DKK3: variants seen among roughly 807,000 people sequenced by gnomAD.
DKK3 encodes the protein dickkopf Wnt signaling pathway inhibitor 3.
In DKK3, 22 loss-of-function variants were observed where a neutral mutation model predicts 33.2. The ratio of observed to expected loss-of-function variants is 0.66; its 90% CI spans 0.47 to 0.95. DKK3 has a LOEUF of 0.95. DKK3 is among the 40% of genes least tolerant of loss of function. DKK3 has a pLI of 0.00. For missense variants in DKK3, 398 were observed against 458.4 expected, an observed-to-expected ratio of 0.87 and a Z score of 1.20; for synonymous variants, 194 against 188.8, an observed-to-expected ratio of 1.03 and a Z score of -0.23.
intron 1 of DKK3, among the ~76,000 whole-genome samples, chr11:12,004,915 C>A (rs1590560198): frequency 6.6e-6 from 1 of 152,002 alleles, no homozygotes; most frequent in East Asian, 1.9e-4. Context: ...GAAGAGCTTG[C>A]CAACAAAGGG....
intron 3 of DKK3, among the ~76,000 whole-genome samples, chr11:11,989,338 A>G (rs1166708323): frequency 6.6e-6 from 1 of 152,224 alleles, no homozygotes; most frequent in East Asian, 1.9e-4. Flanking sequence ...ATGAATGGAG[A>G]AACAAAACAT....
rs955019708 is a variant in DKK3, at chr11:12,008,224, C to G, written c.213+146G>C. 10 of 1,092,926 alleles carry G rather than the reference C, an allele frequency of 9.1e-6. No homozygotes were observed. In the African/African-American group the frequency reaches 1.5e-4, roughly 16 times the overall value. 67.7% of individuals were successfully genotyped at this position (1,092,926 alleles called of 1,614,324 possible). A position where few individuals can be genotyped will look rare whatever the true frequency, so the allele number is the denominator to read the frequency against. The stretch of plus-strand genomic sequence containing the variant: ...GAGTAGGGATCACCGTGCGCTGCCT[C>G]CAGGTCACTCCGCATCTGCTGTCGG... On this transcript the variant is annotated intron_variant, in intron 1 of 6. Coordinates refer to ENST00000683431, the MANE Select transcript of DKK3 (RefSeq NM_001018057.2). The surrounding 1 kb of genome is among the most constrained non-coding windows in gnomAD (Gnocchi z 4.6).
intron 3 of DKK3, among the ~76,000 whole-genome samples, chr11:11,976,448 G>A (rs1203056064): frequency 6.6e-6 from 1 of 152,258 alleles, no homozygotes; most frequent in Non-Finnish European, 1.5e-5. Context: ...GTAAGCAAGA[G>A]AAGCCCCATT....
intron 4 of DKK3, 124 bp from the exon 5 acceptor site, chr11:11,967,222 A>C: frequency 2.4e-6 from 3 of 1,235,258 alleles, no homozygotes; most frequent in Non-Finnish European, 3.4e-6. Flanking sequence ...CAGGCAGACC[A>C]GGCTGAGATT....
chr11:11,969,429 T>C (rs1234862689), intron 3 of DKK3, among the ~76,000 whole-genome samples: 1 of 152,184 alleles, frequency 6.6e-6, no homozygotes, highest in African/African-American at 2.4e-5. Context: ...AGGTAGGGAC[T>C]GCCTTCTCTA....
At chr11:11,966,400 G>A (rs898834183) in intron 5 of DKK3, among the ~76,000 whole-genome samples, 3 of 152,216 alleles carry the variant, frequency 2.0e-5, no homozygotes. Flanking sequence ...ACAGCCTAAG[G>A]AGTCTGAACA....
At chr11:11,991,689 G>A (rs763728973) in intron 3 of DKK3, among the ~76,000 whole-genome samples, 12 of 152,058 alleles carry the variant, frequency 7.9e-5, no homozygotes, top group Non-Finnish European at 1.0e-4. Flanking sequence ...AGGGCTTTCC[G>A]AAGCCGTCAC....
chr11:12,006,926 G>A (rs545437724), intron 1 of DKK3, among the ~76,000 whole-genome samples: 2 of 152,264 alleles, frequency 1.3e-5, no homozygotes, highest in East Asian at 1.9e-4. Context: ...CAGAGGCATC[G>A]CAAACTCCAC....
chr11:11,992,097 A>C (rs969758696), intron 3 of DKK3, among the ~76,000 whole-genome samples: 13 of 152,246 alleles, frequency 8.5e-5, no homozygotes, highest in African/African-American at 3.1e-4. Flanking sequence ...GAATGAATTA[A>C]TACTGATAAT....
At chr11:12,008,809 C>A, upstream of DKK3, 1 of 1,182,140 alleles carries the variant, frequency 8.5e-7, no homozygotes, top group Non-Finnish European at 1.0e-6. This position sits in a 1 kb window ranked among gnomAD's most constrained non-coding sequence, Gnocchi z 4.6. Flanking sequence ...CAGCCCGAGC[C>A]CCGATCGCCC....
intron 3 of DKK3, among the ~76,000 whole-genome samples, chr11:11,988,314 A>G (rs896211405): frequency 1.6e-4 from 25 of 152,190 alleles, no homozygotes; most frequent in African/African-American, 6.0e-4. Context: ...CCAAGAGTAG[A>G]GGTTTCCTGC....
intron 1 of DKK3, among the ~76,000 whole-genome samples, chr11:12,003,413 T>C (rs1848471847): frequency 2.6e-5 from 4 of 152,214 alleles, no homozygotes; most frequent in African/African-American, 9.6e-5. Context: ...TGTTCTTCTC[T>C]GGTGTCAGGT....
At chr11:11,965,631 C>A (rs983779913) in intron 6 of DKK3, among the ~76,000 whole-genome samples, 178 bp downstream of exon 6, 4 of 151,688 alleles carry the variant, frequency 2.6e-5, no homozygotes, top group Admixed American at 1.3e-4. Context: ...GGGCTCCAGA[C>A]CCCTAGAACC....
In DKK3 at chr11:11,964,795, C is replaced by G. The variant is rs185983490; in HGVS notation, c.831-109G>C. 12 of 1,518,920 alleles carry G rather than the reference C, an allele frequency of 7.9e-6. No homozygotes were observed. The African/African-American group carries it at 9.7e-5, about 12-fold the overall frequency. The allele number at this position is 1,518,920 out of a possible 1,614,324, so 94.1% of individuals were successfully genotyped here. On this transcript the variant is annotated intron_variant, in intron 6 of 6. Transcript: ENST00000683431. ...TCCCAGCCTCACCTTCATGCCCCCT[C>G]CTCTCCTGTCTCTTCAACAGAGACA...
In DKK3 at chr11:11,963,557, C is replaced by G. The variant is rs1564903100; in HGVS notation, c.*907G>C. ...TCATTAGAAGGACGGCTGCCCCACA[C>G]TGTGAGAACACTGCTGTTCCTAACA... On this transcript the variant is annotated 3_prime_UTR_variant, in exon 7 of 7. Coordinates refer to ENST00000683431, the MANE Select transcript of DKK3 (RefSeq NM_001018057.2). The G allele has an allele frequency of 6.6e-6, 1 of 152,164 alleles. No individual in the cohort carries two copies. The highest frequency in any genetic ancestry group is 1.5e-5 in the Non-Finnish European group (1 of 68,038). The allele number at this position is 152,164 out of a possible 1,614,324, so 9.4% of individuals were successfully genotyped here.
intron 3 of DKK3, among the ~76,000 whole-genome samples, chr11:11,974,445 G>A (rs1847789984): frequency 6.6e-6 from 1 of 152,182 alleles, no homozygotes; most frequent in Non-Finnish European, 1.5e-5. Flanking sequence ...CAAGATTGAG[G>A]AGCCAGCATC....
At chr11:11,986,609 C>T (rs1156332093) in intron 3 of DKK3, among the ~76,000 whole-genome samples, 5 of 152,038 alleles carry the variant, frequency 3.3e-5, no homozygotes, top group African/African-American at 7.2e-5. Flanking sequence ...AGCTGTAACC[C>T]GGGAATGGAA....
intron 3 of DKK3, 72 bp downstream of exon 3, chr11:11,998,624 C>T (rs1027602752): frequency 2.2e-6 from 3 of 1,374,318 alleles, no homozygotes; most frequent in Non-Finnish European, 3.1e-6. Context: ...GCATCTGAGT[C>T]ACCGTTGGCA....
intron 3 of DKK3, among the ~76,000 whole-genome samples, chr11:11,977,567 A>G (rs1847859948): frequency 6.6e-6 from 1 of 152,164 alleles, no homozygotes; most frequent in African/African-American, 2.4e-5. Context: ...AGCCGTTGGG[A>G]GAGCCCTCTC....
Sources: gnomAD v4.1 joint callset for allele counts (sites outside exome capture counted in the v4.1 genomes callset) on GRCh38, gnomAD v4.1.1 for gene constraint, Gnocchi (gnomAD v3.1) non-coding constraint, MANE v1.5 for transcripts, NCBI Gene and HGNC (gene_info 2026-07-23, HGNC 2026-07-21) for gene names.